CATSPERZ: variants seen among roughly 807,000 people sequenced by gnomAD.
CATSPERZ encodes cation channel sperm-associated auxiliary subunit zeta.
A neutral mutation model predicts 21.7 loss-of-function variants in CATSPERZ; 21 were observed. The observed-to-expected ratio is 0.97, with a 90% CI of 0.69 to 1.39. CATSPERZ has a LOEUF of 1.39. Ranked by LOEUF, CATSPERZ falls within the 40% of genes most tolerant of loss-of-function variation. The pLI, the probability that CATSPERZ is intolerant of heterozygous loss-of-function variation, is 0.00. For missense variants in CATSPERZ, 234 were observed against 259.5 expected (o/e 0.90, Z 0.68); for synonymous variants, 127 against 108.7 (o/e 1.17, Z -1.05).
intron 2 of CATSPERZ, among the ~76,000 whole-genome samples, chr11:64,301,707 C>G (rs1038843869): frequency 4.0e-5 from 6 of 151,852 alleles, no homozygotes; most frequent in African/African-American, 1.5e-4. Flanking sequence ...TGCTTTGTCA[C>G]CCAGGCTGGA....
chr11:64,300,519 C>T (rs2034903964), intron 1 of CATSPERZ, 88 bp downstream of exon 1: 2 of 1,552,352 alleles, frequency 1.3e-6, no homozygotes, highest in Non-Finnish European at 1.7e-6. Flanking sequence ...CTTACTCAGC[C>T]TTGGCTGCCC....
rs1324001393 is a variant in CATSPERZ, at chr11:64,300,862, G to C, written c.227G>C (p.Gly76Ala). The C allele has an allele frequency of 6.4e-7, 1 of 1,561,106 alleles. No individual in the cohort carries two copies. Among genetic ancestry groups the C allele is most frequent in the Non-Finnish European group, 8.7e-7 (1 of 1,154,136 alleles). The change falls in exon 2 of 5, where the codon GGG (glycine) becomes GCG (alanine). Residue 76 changes from glycine (G) to alanine (A), a missense_variant. Coordinates refer to ENST00000328404, the MANE Select transcript of CATSPERZ (RefSeq NM_001039496.2). ...HSPGRGSLDE[G>A]YKASHKPEEL... ...CCGGGGCGGGGCTCGTTGGACGAGG[G>C]GTACAAGGCCAGCCACAAGCCGGAG... is the stretch of plus-strand genomic sequence containing the variant.
chr11:64,300,569 C>A, intron 1 of CATSPERZ, 88 bp from the exon 2 acceptor site: 1 of 1,509,254 alleles, frequency 6.6e-7, no homozygotes, highest in South Asian at 1.2e-5. Context: ...GGATCCCCAA[C>A]CCGGCCCGGC....
At position 64,303,785 on chromosome 11, in the gene CATSPERZ, CT is replaced by C. The variant is rs1565372684; in HGVS notation, c.446del (p.Leu149ArgfsTer22). The part of the protein sequence containing the change: ...AEQQSRLPLP[L>X]MELMENEALE... Reference sequence around the variant, plus strand: ...GCTGCTTCTCCAGCTGCCACTGCCCCTGATGGAACTCATGGAGAATGAAGCT... The same window carrying C: ...GCTGCTTCTCCAGCTGCCACTGCCCCGATGGAACTCATGGAGAATGAAGCT... On this transcript the variant is annotated frameshift_variant, in exon 4 of 5. Coordinates refer to ENST00000328404, the MANE Select transcript of CATSPERZ (RefSeq NM_001039496.2). LOFTEE classifies it high-confidence loss of function. 5.6e-6 allele frequency: 9 copies of C among 1,600,740 alleles called. No individual in the cohort carries two copies. Among genetic ancestry groups the C allele is most frequent in the East Asian group, 2.3e-5 (1 of 44,280 alleles).
chr11:64,300,816 A>C lies in CATSPERZ; in HGVS notation c.181A>C (p.Lys61Gln). 1 of 1,559,852 alleles carries C rather than the reference A, an allele frequency of 6.4e-7. No homozygotes were observed. The highest frequency in any genetic ancestry group is 8.7e-7 in the Non-Finnish European group (1 of 1,152,698). Residue 61 changes from lysine (K) to glutamine (Q), a missense_variant, in exon 2 of 5, where the codon AAG (lysine) becomes CAG (glutamine). Lys to Gln is a moderately conservative substitution (Grantham distance 53, BLOSUM62 1). Transcript: ENST00000328404. ...GFDEEGRNISKTRGWHSPGRG... is the reference protein window; with the variant it reads ...GFDEEGRNISQTRGWHSPGRG... ...CGACGAGGAGGGCCGCAACATTAGC[A>C]AGACCCGCGGGTGGCACAGCCCGGG...
At chr11:64,301,508 G>A (rs1010409761) in intron 2 of CATSPERZ, among the ~76,000 whole-genome samples, 1 of 151,058 alleles carries the variant, frequency 6.6e-6, no homozygotes, top group African/African-American at 2.4e-5. Context: ...CGAGTAGCTG[G>A]GATTACAGGC....
Position 64,300,398 on chromosome 11 carries a change from T to C in CATSPERZ, c.-13T>C, listed in dbSNP as rs372758856. ...TCGAGGCCTGTGGCGTCTGGGTCCG[T>C]TGGGGCAGAACCATGGAGGAAAAGC... On this transcript the variant is annotated 5_prime_UTR_variant, in exon 1 of 5. Coordinates refer to ENST00000328404, the MANE Select transcript of CATSPERZ (RefSeq NM_001039496.2). 5 of 1,434,020 alleles carry C rather than the reference T, an allele frequency of 3.5e-6. No homozygotes were observed. The African/African-American group carries it at 5.7e-5, about 16-fold the overall frequency. 88.8% of individuals were successfully genotyped at this position (1,434,020 alleles called of 1,614,324 possible).
chr11:64,302,261 T>A (rs2034938715), intron 2 of CATSPERZ, among the ~76,000 whole-genome samples: 1 of 152,140 alleles, frequency 6.6e-6, no homozygotes, highest in African/African-American at 2.4e-5. Context: ...CATAAAGAGC[T>A]ATTTATTTTT....
At chr11:64,301,401 C>CTT (rs139500689) in intron 2 of CATSPERZ, among the ~76,000 whole-genome samples, 3,665 of 99,390 alleles carry the variant, frequency 0.037, 322 homozygotes, top group East Asian at 0.069. Context: ...CCGCCTCCCA[C>CTT]TTTTTTTTTT....
Position 64,303,486 on chromosome 11 carries a change from G to T in CATSPERZ, c.357G>T (p.Lys119Asn), listed in dbSNP as rs1191793535. Residue 119 changes from lysine to asparagine, a missense_variant, in exon 3 of 5, where the codon AAG becomes AAT. Lys to Asn is a moderately conservative substitution (Grantham distance 94). Coordinates refer to ENST00000328404, the MANE Select transcript of CATSPERZ (RefSeq NM_001039496.2). ...KDTASQIEAE[K>N]SSSMSSLNIA... is the part of the protein sequence containing the mutation. ...CCCTTTTTTCTCTTCTCCCAGAAAA[G>T]TCTTCCTCAATGTCATCACTCAATA... 1 of 1,612,460 alleles carries T rather than the reference G, an allele frequency of 6.2e-7. No individual in the cohort carries two copies. The highest frequency in any genetic ancestry group is 8.5e-7 in the Non-Finnish European group (1 of 1,179,304).
intron 2 of CATSPERZ, among the ~76,000 whole-genome samples, chr11:64,302,157 C>A (rs560427114): frequency 3.0e-4 from 46 of 152,350 alleles, no homozygotes; most frequent in Non-Finnish European, 5.4e-4. Flanking sequence ...GAGTAAGAAC[C>A]AATAACAGTA....
At chr11:64,302,815 C>T (rs928272564) in intron 2 of CATSPERZ, among the ~76,000 whole-genome samples, 3 of 151,940 alleles carry the variant, frequency 2.0e-5, no homozygotes, top group African/African-American at 4.8e-5. Context: ...TTGTGATCTG[C>T]CCACCTTGGC....
Position 64,304,710 on chromosome 11 carries a change from C to T in CATSPERZ, c.*64C>T. The T allele has an allele frequency of 7.6e-7, 1 of 1,321,166 alleles. No homozygotes were observed. The highest frequency in any genetic ancestry group is 1.1e-6 in the Non-Finnish European group (1 of 949,966). 81.8% of individuals were successfully genotyped at this position (1,321,166 alleles called of 1,614,324 possible). A position where few individuals can be genotyped will look rare whatever the true frequency, so the allele number is the denominator to read the frequency against. ...CCCGTGCCAGCCCGGTCCCCAGACC[C>T]AAGCCTGACCCCATCCGAGTGGAAT... On this transcript the variant is annotated 3_prime_UTR_variant, in exon 5 of 5. Coordinates refer to ENST00000328404, the MANE Select transcript of CATSPERZ (RefSeq NM_001039496.2).
rs762548736 is a variant in CATSPERZ, at chr11:64,303,761, C to T, written c.433-12C>T. On this transcript the variant is annotated splice_polypyrimidine_tract_variant and intron_variant, in intron 3 of 4. Transcript: ENST00000328404. The stretch of plus-strand genomic sequence containing the variant: ...AGTACCTGGACGCCTAAGCCTCTTG[C>T]TGCTTCTCCAGCTGCCACTGCCCCT... 1 of 1,592,328 alleles carries T rather than the reference C, an allele frequency of 6.3e-7. No individual in the cohort carries two copies. Among genetic ancestry groups the T allele is most frequent in the Non-Finnish European group, 8.5e-7 (1 of 1,169,744 alleles).
In CATSPERZ at chr11:64,304,727, G is replaced by A; in HGVS notation, c.*81G>A. On this transcript the variant is annotated 3_prime_UTR_variant, in exon 5 of 5. Coordinates refer to ENST00000328404, the MANE Select transcript of CATSPERZ (RefSeq NM_001039496.2). ...CCCAGACCCAAGCCTGACCCCATCC[G>A]AGTGGAATTTGAGTCCTAAAGAAAT... is the stretch of plus-strand genomic sequence containing the variant. The A allele has an allele frequency of 3.3e-6, 4 of 1,211,256 alleles. No homozygotes were observed. Among genetic ancestry groups the A allele is most frequent in the South Asian group, 1.3e-5 (1 of 74,492 alleles). The allele number at this position is 1,211,256 out of a possible 1,614,324, so 75.0% of individuals were successfully genotyped here. A position where few individuals can be genotyped will look rare whatever the true frequency, so the allele number is the denominator to read the frequency against.
At chr11:64,303,269 T>C (rs559881302) in intron 2 of CATSPERZ, among the ~76,000 whole-genome samples, 8 of 152,278 alleles carry the variant, frequency 5.3e-5, no homozygotes, top group African/African-American at 1.9e-4. Flanking sequence ...TCACTGGTCC[T>C]AAGTGTCACA....
intron 3 of CATSPERZ, 27 bp from the exon 4 acceptor site, chr11:64,303,746 C>A: frequency 6.3e-7 from 1 of 1,577,906 alleles, no homozygotes; most frequent in East Asian, 2.3e-5. Flanking sequence ...AGTACCTGGA[C>A]GCCTAAGCCT....
intron 2 of CATSPERZ, among the ~76,000 whole-genome samples, chr11:64,302,319 C>T (rs1240885456): frequency 7.9e-5 from 12 of 152,104 alleles, no homozygotes; most frequent in Non-Finnish European, 1.2e-4. Flanking sequence ...CTCACTCTGT[C>T]GCCCAGGCTG....
chr11:64,304,436 G>C (rs1443234593), intron 4 of CATSPERZ, 107 bp from the exon 5 acceptor site: 6 of 802,294 alleles, frequency 7.5e-6, no homozygotes, highest in South Asian at 1.7e-5. Context: ...CTGCGCTACT[G>C]CTACCTCGAA....
Sources: gnomAD v4.1 joint callset for allele counts (sites outside exome capture counted in the v4.1 genomes callset) on GRCh38, gnomAD v4.1.1 for gene constraint, MANE v1.5 for transcripts, NCBI Gene and HGNC (gene_info 2026-07-23, HGNC 2026-07-21) for gene names.